TP53BP1: variants seen among roughly 807,000 people sequenced by gnomAD.
TP53BP1 encodes the protein tumor protein p53 binding protein 1.
In TP53BP1, 61 loss-of-function variants were observed where a neutral mutation model predicts 200.8. That is an observed-to-expected ratio of 0.30 (90% CI 0.25 to 0.38). The LOEUF (loss-of-function observed/expected upper bound fraction) is 0.38, where lower values mean the gene tolerates loss of function less well. Among genes scored for constraint, TP53BP1 ranks in the 10% least tolerant of loss-of-function variants. TP53BP1 has a pLI of 1.00. For synonymous variants in TP53BP1, 822 were observed against 844.3 expected, an observed-to-expected ratio of 0.97 and a Z score of 0.46; for missense variants, 2,144 against 2,371.9, an observed-to-expected ratio of 0.90 and a Z score of 2.00.
intron 1 of TP53BP1, among the ~76,000 whole-genome samples, chr15:43,508,143 T>C (rs2079248493): frequency 6.6e-6 from 1 of 152,140 alleles, no homozygotes; most frequent in African/African-American, 2.4e-5. Flanking sequence ...AGGTGGATCA[T>C]GAGGTCAGGA....
chr15:43,456,741 C>A lies in TP53BP1; in HGVS notation c.1867G>T (p.Asp623Tyr), dbSNP rs772363918. 6.2e-7 allele frequency: 1 copy of A among 1,614,086 alleles called. No individual in the cohort carries two copies. Among genetic ancestry groups the A allele is most frequent in the East Asian group, 2.2e-5 (1 of 44,880 alleles). The part of the protein sequence containing the change: ...EETVAEDVCI[D>Y]LTCDSGSQAV... ...TGACTCCCCGAATCACAAGTGAGATCAATACAAACATCTTCTGCTACCGTT... is the reference window on the plus strand; with the variant it reads ...TGACTCCCCGAATCACAAGTGAGATAAATACAAACATCTTCTGCTACCGTT... The change falls in exon 12 of 28, where the codon GAT becomes TAT. Residue 623 changes from aspartate (D) to tyrosine (Y), a missense_variant. Physicochemically the swap from Asp to Tyr is radical, Grantham distance 160. Around this residue, in one of 4 missense-constraint regions of TP53BP1, gnomAD observed 1,700 missense variants for 1,710.3 expected, o/e 0.99. Transcript: ENST00000382044.
intron 23 of TP53BP1, 116 bp downstream of exon 23, chr15:43,415,478 C>T (rs780746945): frequency 1.5e-5 from 17 of 1,143,886 alleles, no homozygotes; most frequent in African/African-American, 4.6e-5. Context: ...GGCAGGACCC[C>T]GACTTTATAG....
intron 10 of TP53BP1, among the ~76,000 whole-genome samples, chr15:43,471,491 A>T (rs1415616867): frequency 6.6e-6 from 1 of 151,778 alleles, no homozygotes; most frequent in Non-Finnish European, 1.5e-5. Context: ...CAGTGGTGCC[A>T]CCTTGGCTCA....
chr15:43,481,838 C>T, intron 4 of TP53BP1, among the ~76,000 whole-genome samples: 1 of 149,182 alleles, frequency 6.7e-6, no homozygotes, highest in East Asian at 2.0e-4. Flanking sequence ...AAGAGAGAGA[C>T]AGAGTCTGTC....
intron 1 of TP53BP1, among the ~76,000 whole-genome samples, chr15:43,503,298 T>A (rs966320351): frequency 6.6e-6 from 1 of 152,236 alleles, no homozygotes; most frequent in Non-Finnish European, 1.5e-5. Context: ...CACTGTAGAT[T>A]AGTTTTGCCC....
chr15:43,503,701 T>C (rs2079221591), intron 1 of TP53BP1, among the ~76,000 whole-genome samples: 1 of 151,986 alleles, frequency 6.6e-6, no homozygotes, highest in South Asian at 2.1e-4. Flanking sequence ...CTTCCTTCCC[T>C]CTCTCCTTCC....
At chr15:43,443,031 G>C (rs1210239184) in intron 14 of TP53BP1, among the ~76,000 whole-genome samples, 1 of 151,122 alleles carries the variant, frequency 6.6e-6, no homozygotes, top group African/African-American at 2.4e-5. Context: ...TCACCATCTT[G>C]GCCAGGCTGG....
At chr15:43,468,344 A>G (rs978486091) in intron 11 of TP53BP1, among the ~76,000 whole-genome samples, 1 of 152,162 alleles carries the variant, frequency 6.6e-6, no homozygotes, top group Non-Finnish European at 1.5e-5. Context: ...CAAGAGTTTA[A>G]GAACAGCCCT....
At position 43,405,813 on chromosome 15, in the gene TP53BP1, G is replaced by A. The variant is rs1384150430; in HGVS notation, c.*1570C>T. The A allele has an allele frequency of 6.6e-6, 1 of 152,246 alleles. No homozygotes were observed. The highest frequency in any genetic ancestry group is 2.4e-5 in the African/African-American group (1 of 41,398). 9.4% of individuals were successfully genotyped at this position (152,246 alleles called of 1,614,324 possible). A position where few individuals can be genotyped will look rare whatever the true frequency, so the allele number is the denominator to read the frequency against. The stretch of plus-strand genomic sequence containing the variant: ...CCAGCACTTTGGGAGGCCGAGGCGG[G>A]CGGATCACCTGAAGTCAGGAGTTTG... On this transcript the variant is annotated 3_prime_UTR_variant, in exon 28 of 28. Transcript: ENST00000382044.
chr15:43,412,160 T>C (rs1038736849), intron 24 of TP53BP1, among the ~76,000 whole-genome samples: 3 of 152,206 alleles, frequency 2.0e-5, no homozygotes, highest in Non-Finnish European at 4.4e-5. Context: ...AGCCTGCCCC[T>C]GATCATCCCT....
intron 23 of TP53BP1, chr15:43,415,202 CTTTT>C (rs763958465): frequency 1.9e-4 from 35 of 187,326 alleles, no homozygotes; most frequent in South Asian, 5.1e-4. Flanking sequence ...TCCTGGCCTT[CTTTT>C]TTTTTTTTTT....
chr15:43,427,495 C>T lies in TP53BP1; in HGVS notation c.3828+521G>A, dbSNP rs142293283. ...AAGCATGATGGGATGCATTAAATAACTAACCAATGGTCAAACAGCAAACCT... is the reference window on the plus strand; with the variant it reads ...AAGCATGATGGGATGCATTAAATAATTAACCAATGGTCAAACAGCAAACCT... On this transcript the variant is annotated intron_variant, in intron 18 of 27. Transcript: ENST00000382044. Among the ~76,000 whole-genome samples the T allele has an allele frequency of 5.6e-3, 854 of 152,320 alleles. 7 individuals carry two copies. The highest frequency in any genetic ancestry group is 0.014 in the African/African-American group (583 of 41,560).
intron 18 of TP53BP1, among the ~76,000 whole-genome samples, chr15:43,424,533 T>G (rs1345627839): frequency 6.6e-6 from 1 of 152,250 alleles, no homozygotes; most frequent in Admixed American, 6.5e-5. Context: ...TTCACTAAAG[T>G]GCTTAGAATA....
chr15:43,497,471 C>T (rs2079188349), upstream of TP53BP1: 9 of 985,212 alleles, frequency 9.1e-6, no homozygotes, highest in Non-Finnish European at 9.6e-6. Flanking sequence ...TCCTGTGACT[C>T]GATAAATCCT....
Position 43,405,284 on chromosome 15 carries a change from C to T in TP53BP1, c.*2099G>A. The T allele has an allele frequency of 6.5e-7, 1 of 1,537,920 alleles. No homozygotes were observed. The highest frequency in any genetic ancestry group is 1.1e-5 in the South Asian group (1 of 89,190). ...TTGTAACAGAAGATTCAAAACATCC[C>T]ATTCTAGCCACACACAAATAAATAT... On this transcript the variant is annotated 3_prime_UTR_variant, in exon 28 of 28. Coordinates refer to ENST00000382044, the MANE Select transcript of TP53BP1 (RefSeq NM_001141980.3).
intron 4 of TP53BP1, among the ~76,000 whole-genome samples, chr15:43,481,460 TACACACACACACACACAC>T (rs61433356): frequency 7.0e-6 from 1 of 143,714 alleles, no homozygotes; most frequent in African/African-American, 2.6e-5. Context: ...TGTATATAAA[TACACACACACACACACAC>T]ACACACACAC....
Position 43,481,038 on chromosome 15 carries a change from A to ATT in TP53BP1, c.372-17_372-16insAA, listed in dbSNP as rs1274055713. On this transcript the variant is annotated splice_polypyrimidine_tract_variant and intron_variant, in intron 4 of 27. Coordinates refer to ENST00000382044, the MANE Select transcript of TP53BP1 (RefSeq NM_001141980.3). ...TCCCAGAACACTACACAGCAGAAGG[A>ATT]TATAATCATGTGTTCCCAGATAGTT... is the stretch of plus-strand genomic sequence containing the variant. 6.2e-7 allele frequency: 1 copy of ATT among 1,613,966 alleles called. No individual in the cohort carries two copies. The highest frequency in any genetic ancestry group is 1.7e-5 in the Admixed American group (1 of 60,010).
chr15:43,459,559 T>C (rs2046381360), intron 11 of TP53BP1, among the ~76,000 whole-genome samples: 1 of 152,026 alleles, frequency 6.6e-6, no homozygotes, highest in Admixed American at 6.6e-5. Context: ...TGGAATAAAA[T>C]ATGAATATGT....
chr15:43,408,638 TA>T, intron 26 of TP53BP1: 2 of 464,862 alleles, frequency 4.3e-6, no homozygotes, highest in Non-Finnish European at 7.8e-6. Context: ...AATGCTTGCT[TA>T]AAACTTAGTT....
Sources: gnomAD v4.1 joint callset for allele counts (sites outside exome capture counted in the v4.1 genomes callset) on GRCh38, gnomAD v4.1.1 for gene constraint, gnomAD v4.1.1 regional missense constraint, MANE v1.5 for transcripts, NCBI Gene and HGNC (gene_info 2026-07-23, HGNC 2026-07-21) for gene names.